SUSD1: variants seen among roughly 807,000 people sequenced by gnomAD.
SUSD1 encodes sushi domain containing 1.
In SUSD1, 65 loss-of-function variants were observed where a neutral mutation model predicts 86.9. The ratio of observed to expected loss-of-function variants is 0.75; its 90% CI spans 0.61 to 0.92. The LOEUF (loss-of-function observed/expected upper bound fraction) is 0.92. SUSD1 is among the 40% of genes least tolerant of loss of function. The pLI is 0.00. For missense variants in SUSD1, 850 were observed against 929.7 expected, an observed-to-expected ratio of 0.91 and a Z score of 1.11; for synonymous variants, 346 against 350.0, an observed-to-expected ratio of 0.99 and a Z score of 0.13.
chr9:112,154,322 C>CCA lies in SUSD1; in HGVS notation c.217+3176_217+3177dup, dbSNP rs746294726. Among the ~76,000 whole-genome samples the CCA allele has an allele frequency of 2.5e-4, 35 of 140,526 alleles. 2 individuals carry two copies. The East Asian group carries it at 4.6e-3, about 18-fold the overall frequency. The allele number at this position is 140,526 out of a possible 152,430, so 92.2% of individuals were successfully genotyped here. ...TGGGCCACATGGCAAAACCCCACCTCCACACACACACACAAAAAAAAAAAA... is the reference window on the plus strand; with the variant it reads ...TGGGCCACATGGCAAAACCCCACCTCCACACACACACACACAAAAAAAAAAAA... On this transcript the variant is annotated intron_variant, in intron 2 of 16. Coordinates refer to ENST00000374270, the MANE Select transcript of SUSD1 (RefSeq NM_022486.5).
chr9:112,073,464 A>ACT (rs968033191), intron 12 of SUSD1, among the ~76,000 whole-genome samples: 63 of 148,574 alleles, frequency 4.2e-4, no homozygotes, highest in Non-Finnish European at 6.9e-4. Context: ...TCTCACGCTC[A>ACT]CTCTCTCTCT....
chr9:112,101,377 AT>A (rs535759876), intron 9 of SUSD1, among the ~76,000 whole-genome samples: 241 of 152,186 alleles, frequency 1.6e-3, no homozygotes, highest in African/African-American at 5.5e-3. Flanking sequence ...AGAAAAAAAA[AT>A]TTTTTTAATG....
intron 8 of SUSD1, 24 bp from the exon 9 acceptor site, chr9:112,102,309 T>G: frequency 2.2e-6 from 3 of 1,384,784 alleles, no homozygotes; most frequent in Non-Finnish European, 3.0e-6. Flanking sequence ...GAGAGAGTTA[T>G]AGACAGCTTG....
intron 5 of SUSD1, among the ~76,000 whole-genome samples, chr9:112,135,512 T>C (rs879316652): frequency 6.6e-6 from 1 of 152,204 alleles, no homozygotes; most frequent in Admixed American, 6.5e-5. Context: ...GATCTTCCAT[T>C]TGCAGAAGTG....
At chr9:112,116,904 C>T (rs1017586115) in intron 6 of SUSD1, among the ~76,000 whole-genome samples, 3 of 152,180 alleles carry the variant, frequency 2.0e-5, no homozygotes, top group Middle Eastern at 3.2e-3. Context: ...CTTTGAGAGG[C>T]CGAGGCAGAC....
rs539877470 is a variant in SUSD1 at position 112,167,930 on chromosome 9, G to T, written c.103+7203C>A. 2.1e-3 allele frequency among the ~76,000 whole-genome samples: 318 copies of T among 152,322 alleles called. 1 individual carries two copies. The highest frequency in any genetic ancestry group is 4.0e-3 in the Non-Finnish European group (273 of 68,034). ...AGCAGCAACAGAGAATGAGGGACAA[G>T]TGAAAGGAGAAACCCCTGATAAAAC... is the stretch of plus-strand genomic sequence containing the variant. On this transcript the variant is annotated intron_variant, in intron 1 of 16. Coordinates refer to ENST00000374270, the MANE Select transcript of SUSD1 (RefSeq NM_022486.5).
intron 15 of SUSD1, among the ~76,000 whole-genome samples, chr9:112,042,420 C>G (rs1345615553): frequency 6.6e-6 from 1 of 152,192 alleles, no homozygotes. Flanking sequence ...TTTGTTGAGT[C>G]ACCTGTCATT....
intron 5 of SUSD1, among the ~76,000 whole-genome samples, chr9:112,138,665 G>T (rs2131740316): frequency 1.3e-5 from 2 of 152,140 alleles, no homozygotes; most frequent in East Asian, 1.9e-4. Flanking sequence ...GGCTAGGCTG[G>T]TCTCGAACTC....
intron 10 of SUSD1, among the ~76,000 whole-genome samples, chr9:112,093,866 A>G (rs1830296288): frequency 6.6e-6 from 1 of 152,212 alleles, no homozygotes; most frequent in South Asian, 2.1e-4. Context: ...AAAACTTTGC[A>G]AATCAGACAA....
rs1415239546 is a variant in SUSD1, at chr9:112,078,735, A to G, written c.1567-11T>C. 2 of 1,607,556 alleles carry G rather than the reference A, an allele frequency of 1.2e-6. No homozygotes were observed. Among genetic ancestry groups the G allele is most frequent in the African/African-American group, 2.7e-5 (2 of 74,906 alleles). Reference sequence around the variant, plus strand: ...GCCCCAAATGTGGAACTGAAACATAAAAAAGCTCACTGGGTGAATGGTTGG... The same window carrying G: ...GCCCCAAATGTGGAACTGAAACATAGAAAAGCTCACTGGGTGAATGGTTGG... On this transcript the variant is annotated splice_polypyrimidine_tract_variant and intron_variant, in intron 11 of 16. Coordinates refer to ENST00000374270, the MANE Select transcript of SUSD1 (RefSeq NM_022486.5).
chr9:112,055,670 A>G (rs1828415087), intron 14 of SUSD1, among the ~76,000 whole-genome samples: 1 of 152,220 alleles, frequency 6.6e-6, no homozygotes, highest in Non-Finnish European at 1.5e-5. Flanking sequence ...TACACAAAAG[A>G]ACTGAAAGCA....
intron 3 of SUSD1, among the ~76,000 whole-genome samples, chr9:112,148,022 C>A (rs778759397): frequency 9.2e-5 from 14 of 152,212 alleles, no homozygotes; most frequent in Non-Finnish European, 1.3e-4. Flanking sequence ...TTGAGAGATT[C>A]TGCCTTGGTA....
At chr9:112,127,865 C>G in intron 5 of SUSD1, among the ~76,000 whole-genome samples, 1 of 151,200 alleles carries the variant, frequency 6.6e-6, no homozygotes, top group Non-Finnish European at 1.5e-5. Flanking sequence ...TGCAGTGGTG[C>G]CACCACAACT....
At chr9:112,085,179 T>C (rs538992777) in intron 10 of SUSD1, among the ~76,000 whole-genome samples, 3 of 152,334 alleles carry the variant, frequency 2.0e-5, no homozygotes, top group East Asian at 3.9e-4. Flanking sequence ...GCAAATGGTA[T>C]TGCATTGACC....
intron 12 of SUSD1, among the ~76,000 whole-genome samples, chr9:112,074,450 C>A (rs1280127212): frequency 6.6e-6 from 1 of 152,190 alleles, no homozygotes. Flanking sequence ...CCAGCCCCTG[C>A]TTTCCTGCAT....
At chr9:112,145,003 G>T (rs1221253027) in intron 3 of SUSD1, among the ~76,000 whole-genome samples, 1 of 152,150 alleles carries the variant, frequency 6.6e-6, no homozygotes, top group Non-Finnish European at 1.5e-5. Flanking sequence ...TTGCTCAAGA[G>T]GCTGAGGCAG....
intron 5 of SUSD1, among the ~76,000 whole-genome samples, chr9:112,128,966 T>C (rs907517197): frequency 9.9e-5 from 15 of 152,150 alleles, no homozygotes; most frequent in Admixed American, 2.6e-4. Context: ...ACTGAAGCTC[T>C]TGTTGGGTTT....
chr9:112,158,036 C>G (rs140194060), intron 1 of SUSD1, among the ~76,000 whole-genome samples: 2,449 of 151,864 alleles, frequency 0.016, 75 homozygotes, highest in African/African-American at 0.056. Flanking sequence ...GTTGCCCAGG[C>G]TGGTCTCGAA....
chr9:112,087,235 G>A (rs978617042), intron 10 of SUSD1, among the ~76,000 whole-genome samples: 3 of 152,040 alleles, frequency 2.0e-5, no homozygotes, highest in Non-Finnish European at 2.9e-5. Flanking sequence ...GCAGTGGCAC[G>A]ATCTCTGCTC....
Sources: allele counts gnomAD v4.1 joint callset (sites outside exome capture counted in the v4.1 genomes callset), GRCh38; gene constraint gnomAD v4.1.1; transcripts MANE v1.5; gene names NCBI Gene and HGNC (gene_info 2026-07-23, HGNC 2026-07-21).